The following FCSK variants were observed in gnomAD, a reference collection of about 807,000 sequenced individuals.
The protein encoded by FCSK is fucose kinase, also known as L-fucose kinase.
Under a neutral mutation model 122.5 loss-of-function variants are expected in FCSK, and 123 were observed. That is an observed-to-expected ratio of 1.00 (90% CI 0.87 to 1.17). FCSK has a LOEUF of 1.17. FCSK is among the 50% of genes most tolerant of loss of function. FCSK has a pLI of 0.00. For missense variants in FCSK, 1,366 were observed against 1,450.4 expected, an observed-to-expected ratio of 0.94 and a Z score of 0.95; for synonymous variants, 620 against 625.5, an observed-to-expected ratio of 0.99 and a Z score of 0.13.
chr16:70,471,433 G>C lies in FCSK; in HGVS notation c.1341+81G>C, dbSNP rs553675378. On this transcript the variant is annotated intron_variant, in intron 13 of 23. Coordinates refer to ENST00000288078, the MANE Select transcript of FCSK (RefSeq NM_145059.3). Reference sequence around the variant, plus strand: ...GGAGTCCTGGCCCCCACCCCACTGCGGGGTTCTCTGAGCACTGGCCCGTGG... The same window carrying C: ...GGAGTCCTGGCCCCCACCCCACTGCCGGGTTCTCTGAGCACTGGCCCGTGG... 8.5e-5 allele frequency: 119 copies of C among 1,402,360 alleles called. No homozygotes were observed. The African/African-American group carries it at 1.5e-3, about 18-fold the overall frequency. The allele number at this position is 1,402,360 out of a possible 1,614,324, so 86.9% of individuals were successfully genotyped here.
chr16:70,463,077 CAT>C (rs748523567), intron 1 of FCSK, 90 bp from the exon 2 acceptor site: 122 of 763,232 alleles, frequency 1.6e-4, no homozygotes, highest in East Asian at 1.4e-3. Flanking sequence ...AATCTATACA[CAT>C]GTTAAAATCA....
rs561209074 is a variant in FCSK, at chr16:70,473,615, C to T, written c.1777+262C>T. On this transcript the variant is annotated intron_variant, in intron 15 of 23. Transcript: ENST00000288078. This position sits in a 1 kb window ranked among gnomAD's most constrained non-coding sequence, Gnocchi z 4.9. ...GCTGAGCTCTAGGTCCTAGGCACAT[C>T]GGCAAACCCTGCGTGTTCTGTACTG... Among the ~76,000 whole-genome samples, 5 of 152,262 alleles carry T rather than the reference C, an allele frequency of 3.3e-5. No individual in the cohort carries two copies. The highest frequency in any genetic ancestry group is 7.2e-5 in the African/African-American group (3 of 41,552).
chr16:70,478,667 G>A lies in FCSK; in HGVS notation c.2929+17G>A, dbSNP rs750334978. 17 of 1,599,554 alleles carry A rather than the reference G, an allele frequency of 1.1e-5. No individual in the cohort carries two copies. The highest frequency in any genetic ancestry group is 1.5e-5 in the Non-Finnish European group (17 of 1,168,558). ...TCCGCCAAGGTGAGGGGCTTCCTCT[G>A]GGGGGGTCAGGGCACTGGGAGCGAG... On this transcript the variant is annotated intron_variant, in intron 22 of 23. Coordinates refer to ENST00000288078, the MANE Select transcript of FCSK (RefSeq NM_145059.3).
intron 14 of FCSK, 94 bp downstream of exon 14, chr16:70,472,699 C>G (rs758816993): frequency 1.9e-6 from 2 of 1,063,528 alleles, no homozygotes; most frequent in Non-Finnish European, 2.7e-6. Flanking sequence ...CAGAGCAGCA[C>G]GGGCCGTGTT....
intron 1 of FCSK, among the ~76,000 whole-genome samples, chr16:70,461,351 C>T (rs1347805065): frequency 6.6e-6 from 1 of 151,580 alleles, no homozygotes; most frequent in Non-Finnish European, 1.5e-5. Flanking sequence ...CAGTGGGAGC[C>T]CTGCCAGAGG....
intron 1 of FCSK, chr16:70,458,104 C>T (rs1597597559): frequency 6.6e-6 from 1 of 151,014 alleles, no homozygotes. Flanking sequence ...AGCACCTTAA[C>T]TGTGGTCCAG....
Position 70,475,009 on chromosome 16 carries a change from C to G in FCSK, c.2375C>G (p.Pro792Arg), listed in dbSNP as rs1202443806. 1 of 1,593,990 alleles carries G rather than the reference C, an allele frequency of 6.3e-7. No individual in the cohort carries two copies. Among genetic ancestry groups the G allele is most frequent in the East Asian group, 2.3e-5 (1 of 43,688 alleles). The change falls in exon 18 of 24, where the codon CCA becomes CGA. Residue 792 changes from proline (P) to arginine (R), a missense_variant and splice_region_variant. Coordinates refer to ENST00000288078, the MANE Select transcript of FCSK (RefSeq NM_145059.3). ...CGGGACTACTGCCAGCCTCATGCCCCAGGTCAGGCACCCTGGGACCTCTGC... is the reference window on the plus strand; with the variant it reads ...CGGGACTACTGCCAGCCTCATGCCCGAGGTCAGGCACCCTGGGACCTCTGC... Reference protein sequence around the residue: ...DLRDYCQPHAPGALLKAAFIC... With the variant: ...DLRDYCQPHARGALLKAAFIC...
At position 70,466,923 on chromosome 16, in the gene FCSK, C is replaced by G. The variant is rs375426430; in HGVS notation, c.453C>G (p.Thr151=). The change falls in exon 6 of 24, where the codon ACC becomes ACG. Residue 151 remains threonine, a synonymous_variant. Coordinates refer to ENST00000288078, the MANE Select transcript of FCSK (RefSeq NM_145059.3). ...CGCCAGGCGTGTGGGTCTGCAGCAC[C>G]GACATGCTGCTGTCTGTTCCTGCAA... ...GSPPGVWVCS[T]DMLLSVPANP... 2 of 1,613,834 alleles carry G rather than the reference C, an allele frequency of 1.2e-6. No individual in the cohort carries two copies. The highest frequency in any genetic ancestry group is 1.7e-6 in the Non-Finnish European group (2 of 1,180,016).
chr16:70,477,227 G>C (rs753114025), intron 20 of FCSK: 8 of 152,168 alleles, frequency 5.3e-5, no homozygotes, highest in Non-Finnish European at 1.2e-4. Flanking sequence ...CTGTCACCCA[G>C]ATTGGAGTGC....
intron 13 of FCSK, 21 bp from the exon 14 acceptor site, chr16:70,472,520 C>A: frequency 6.2e-7 from 1 of 1,606,458 alleles, no homozygotes; most frequent in Non-Finnish European, 8.5e-7. Flanking sequence ...GCAGCCCTGA[C>A]TGCTTCTTCC....
rs1293455281 is a variant in FCSK at position 70,463,792 on chromosome 16, C to T, written c.234+18C>T. On this transcript the variant is annotated intron_variant, in intron 3 of 23. Transcript: ENST00000288078. ...GCTTCACTGTGAGTGCTCACCAGGG[C>T]CACCTCCCTGGTCTGTGTCCCTGCT... 3 of 1,595,086 alleles carry T rather than the reference C, an allele frequency of 1.9e-6. No homozygotes were observed. Among genetic ancestry groups the T allele is most frequent in the Non-Finnish European group, 2.6e-6 (3 of 1,172,154 alleles).
intron 20 of FCSK, 142 bp from the exon 21 acceptor site, chr16:70,478,130 T>A: frequency 1.4e-6 from 1 of 726,820 alleles, no homozygotes; most frequent in Admixed American, 2.8e-5. Flanking sequence ...GGACAGAAGC[T>A]GCATAGCTCA....
rs1266905131 is a variant in FCSK at position 70,475,332 on chromosome 16, A to G, written c.2378-18A>G. On this transcript the variant is annotated intron_variant, in intron 18 of 23. Coordinates refer to ENST00000288078, the MANE Select transcript of FCSK (RefSeq NM_145059.3). Reference sequence around the variant, plus strand: ...CCCATCGAGACTGAATTCCTTTCTCATGCCTGTCCTTCTGCAGGGGCCCTG... The same window carrying G: ...CCCATCGAGACTGAATTCCTTTCTCGTGCCTGTCCTTCTGCAGGGGCCCTG... 1 of 1,607,808 alleles carries G rather than the reference A, an allele frequency of 6.2e-7. No homozygotes were observed.
Position 70,471,037 on chromosome 16 carries a change from G to A in FCSK, c.1135G>A (p.Gly379Ser), listed in dbSNP as rs770903882. ...CCTGCTGGAGGGCCCTGTCCAGCTG[G>A]GTCCTGGGAGCGTCCTGCAGCACTG... is the stretch of plus-strand genomic sequence containing the variant. ...SCLLEGPVQL[G>S]PGSVLQHCHL... The change falls in exon 12 of 24, where the codon GGT becomes AGT. Residue 379 changes from glycine (G) to serine (S), a missense_variant. Physicochemically the swap from Gly to Ser is moderately conservative, Grantham distance 56 (BLOSUM62 0). Coordinates refer to ENST00000288078, the MANE Select transcript of FCSK (RefSeq NM_145059.3). 1 of 1,603,242 alleles carries A rather than the reference G, an allele frequency of 6.2e-7. No individual in the cohort carries two copies. Among genetic ancestry groups the A allele is most frequent in the Non-Finnish European group, 8.5e-7 (1 of 1,177,028 alleles).
chr16:70,467,038 T>G, intron 6 of FCSK, 84 bp downstream of exon 6: 1 of 1,291,478 alleles, frequency 7.7e-7, no homozygotes, highest in Non-Finnish European at 1.1e-6. Flanking sequence ...CCACCCTGCC[T>G]CTGGGCCTGC....
chr16:70,468,554 T>G (rs901113725), intron 8 of FCSK, among the ~76,000 whole-genome samples: 1 of 152,122 alleles, frequency 6.6e-6, no homozygotes, highest in Non-Finnish European at 1.5e-5. Context: ...CCGGGAATGC[T>G]TCCATCATGA....
rs1567710953 is a variant in FCSK at position 70,474,952 on chromosome 16, TG to T, written c.2319del (p.Lys774ArgfsTer2). 6.2e-7 allele frequency: 1 copy of T among 1,611,504 alleles called. No homozygotes were observed. Among genetic ancestry groups the T allele is most frequent in the Admixed American group, 1.7e-5 (1 of 59,856 alleles). ...GGGCCTCGGCAGGATGAGATGACTG[TG>T]AAGATAGTGTGCCGGTGCCTGGCTG... ...AVGPRQDEMT[V>X]KIVCRCLADL... On this transcript the variant is annotated frameshift_variant, in exon 18 of 24. Coordinates refer to ENST00000288078, the MANE Select transcript of FCSK (RefSeq NM_145059.3). LOFTEE classifies it high-confidence loss of function.
intron 1 of FCSK, among the ~76,000 whole-genome samples, chr16:70,457,100 G>A (rs536448130): frequency 6.6e-6 from 1 of 152,110 alleles, no homozygotes; most frequent in African/African-American, 2.4e-5. Flanking sequence ...GAGCCTTTTG[G>A]GACTGATACG....
intron 22 of FCSK, 75 bp downstream of exon 22, chr16:70,478,725 C>A: frequency 1.7e-6 from 2 of 1,211,826 alleles, no homozygotes; most frequent in Non-Finnish European, 2.4e-6. Flanking sequence ...AGGCCAGGGT[C>A]ATCTGCAGGC....
Sources: gnomAD v4.1 joint callset for allele counts (sites outside exome capture counted in the v4.1 genomes callset) on GRCh38, gnomAD v4.1.1 for gene constraint, Gnocchi (gnomAD v3.1) non-coding constraint, MANE v1.5 for transcripts, NCBI Gene and HGNC (gene_info 2026-07-23, HGNC 2026-07-21) for gene names.